The following SYK variants were observed in gnomAD, a reference collection of about 807,000 sequenced individuals.
SYK encodes spleen associated tyrosine kinase.
A neutral mutation model predicts 77.8 loss-of-function variants in SYK; 16 were observed. That is an observed-to-expected ratio of 0.21 (90% confidence interval 0.14 to 0.31). The LOEUF (loss-of-function observed/expected upper bound fraction) is 0.31, where lower values mean the gene tolerates loss of function less well. SYK is among the 10% of genes least tolerant of loss of function. The pLI is 1.00. For synonymous variants in SYK, 312 were observed against 308.7 expected, an observed-to-expected ratio of 1.01 and a Z score of -0.11; for missense variants, 529 against 814.4, an observed-to-expected ratio of 0.65 and a Z score of 4.26.
Position 90,877,754 on chromosome 9 carries a change from C to T in SYK, c.1365C>T (p.Pro455=), listed in dbSNP as rs143304676. 3.1e-6 allele frequency: 5 copies of T among 1,614,172 alleles called. No individual in the cohort carries two copies. In the East Asian group the frequency reaches 8.9e-5, roughly 29 times the overall value. ...TTATGGAGATGGCAGAACTTGGTCC[C>T]CTCAATAAGTATTTGCAGCAGAACA... ...MLVMEMAELG[P]LNKYLQQNRH... is the part of the protein sequence containing the mutation. Residue 455 remains proline (P), a synonymous_variant, in exon 10 of 14, where the codon CCC becomes CCT. Transcript: ENST00000375754.
chr9:90,812,616 T>A (rs1021002456), intron 1 of SYK, among the ~76,000 whole-genome samples: 4 of 152,108 alleles, frequency 2.6e-5, no homozygotes, highest in Non-Finnish European at 5.9e-5. Context: ...CACAAACACA[T>A]CTTTAAAGGC....
intron 3 of SYK, among the ~76,000 whole-genome samples, chr9:90,856,269 T>C (rs1010176626): frequency 1.3e-5 from 2 of 152,234 alleles, no homozygotes; most frequent in Non-Finnish European, 2.9e-5. Context: ...ATGGTTCTCA[T>C]GTCTCTGTGG....
intron 7 of SYK, among the ~76,000 whole-genome samples, chr9:90,868,494 A>G (rs9987718): frequency 0.025 from 3,739 of 152,324 alleles, 74 homozygotes; most frequent in South Asian, 0.048. Context: ...GCTTTAATAT[A>G]CAAAGAGATT....
At chr9:90,876,611 T>A (rs1408760769) in intron 9 of SYK, among the ~76,000 whole-genome samples, 1 of 152,256 alleles carries the variant, frequency 6.6e-6, no homozygotes, top group Non-Finnish European at 1.5e-5. Context: ...TATTCTGTGC[T>A]TAAATTTGTG....
chr9:90,892,304 C>T (rs1485369458), intron 13 of SYK, among the ~76,000 whole-genome samples: 3 of 152,144 alleles, frequency 2.0e-5, no homozygotes, highest in Admixed American at 1.3e-4. Flanking sequence ...AATATGTTTA[C>T]TCAGGCCCAT....
intron 1 of SYK, among the ~76,000 whole-genome samples, chr9:90,827,089 T>C (rs1825688832): frequency 6.6e-6 from 1 of 152,058 alleles, no homozygotes; most frequent in African/African-American, 2.4e-5. Flanking sequence ...TGTAGGACTT[T>C]TTAAAAAAAC....
At chr9:90,826,120 C>T (rs1251100783) in intron 1 of SYK, among the ~76,000 whole-genome samples, 3 of 152,138 alleles carry the variant, frequency 2.0e-5, no homozygotes, top group South Asian at 4.1e-4. Context: ...GCAGGAAAGC[C>T]CCAAGCTTAC....
At chr9:90,871,773 G>A (rs147704203) in intron 7 of SYK, among the ~76,000 whole-genome samples, 19 of 152,350 alleles carry the variant, frequency 1.2e-4, no homozygotes, top group African/African-American at 4.6e-4. Flanking sequence ...CAGGGATCTG[G>A]GTAGGAGAGA....
chr9:90,881,517 TA>T (rs1411716200), intron 11 of SYK, among the ~76,000 whole-genome samples: 7 of 151,528 alleles, frequency 4.6e-5, no homozygotes, highest in Non-Finnish European at 8.8e-5. Context: ...CCGTCTCTAC[TA>T]AAAACACAAA....
intron 1 of SYK, among the ~76,000 whole-genome samples, chr9:90,803,698 C>T (rs1824705188): frequency 6.6e-6 from 1 of 151,912 alleles, no homozygotes; most frequent in African/African-American, 2.4e-5. Context: ...TGGTTATAAT[C>T]CAATATGCTT....
chr9:90,840,416 G>T (rs1342368981), intron 1 of SYK, among the ~76,000 whole-genome samples: 1 of 152,128 alleles, frequency 6.6e-6, no homozygotes, highest in Non-Finnish European at 1.5e-5. Context: ...GGGAAAAGCA[G>T]GCTGGGGGCA....
At chr9:90,865,003 G>T in intron 5 of SYK, 45 bp from the exon 6 acceptor site, 1 of 1,597,292 alleles carries the variant, frequency 6.3e-7, no homozygotes, top group Non-Finnish European at 8.6e-7. Flanking sequence ...GAAGGAAGTG[G>T]TTTCCTCAGA....
chr9:90,892,225 T>G (rs941435063), intron 13 of SYK, among the ~76,000 whole-genome samples: 9 of 152,122 alleles, frequency 5.9e-5, no homozygotes, highest in African/African-American at 1.9e-4. Flanking sequence ...AGGAGTAAAT[T>G]TTCTAGAGAA....
intron 1 of SYK, among the ~76,000 whole-genome samples, chr9:90,803,401 C>A (rs957094353): frequency 5.9e-5 from 9 of 151,704 alleles, no homozygotes; most frequent in African/African-American, 2.2e-4. Flanking sequence ...TTTTTTTAAG[C>A]CTCTGTATTT....
At position 90,874,668 on chromosome 9, in the gene SYK, G is replaced by T; in HGVS notation, c.1004-4G>T. 1 of 1,610,072 alleles carries T rather than the reference G, an allele frequency of 6.2e-7. No homozygotes were observed. Among genetic ancestry groups the T allele is most frequent in the Non-Finnish European group, 8.5e-7 (1 of 1,177,700 alleles). ...AGGTCGTATGTTTCTTGACTGCATT[G>T]CAGGCCCCCAGAGAGAAGCCCTACC... is the stretch of plus-strand genomic sequence containing the variant. On this transcript the variant is annotated splice_polypyrimidine_tract_variant and splice_region_variant and intron_variant, in intron 8 of 13. Coordinates refer to ENST00000375754, the MANE Select transcript of SYK (RefSeq NM_003177.7).
At chr9:90,817,467 A>G (rs1437636383) in intron 1 of SYK, among the ~76,000 whole-genome samples, 1 of 152,022 alleles carries the variant, frequency 6.6e-6, no homozygotes, top group Non-Finnish European at 1.5e-5. Flanking sequence ...GTTAATATCC[A>G]TTCATTTTTC....
At chr9:90,868,397 A>G (rs1005462003) in intron 7 of SYK, among the ~76,000 whole-genome samples, 1 of 152,202 alleles carries the variant, frequency 6.6e-6, no homozygotes, top group Non-Finnish European at 1.5e-5. Context: ...ATAAAGAAGT[A>G]TATGTGTAGA....
In SYK at chr9:90,896,750, A is replaced by T. The variant is rs1829003797; in HGVS notation, c.*1150A>T. ...CACCCATTGATTTCAGTTTTGCTGT[A>T]CCTCTTGAAAGTTAAAGAGACATCT... On this transcript the variant is annotated 3_prime_UTR_variant, in exon 14 of 14. Coordinates refer to ENST00000375754, the MANE Select transcript of SYK (RefSeq NM_003177.7). 1 of 227,730 alleles carries T rather than the reference A, an allele frequency of 4.4e-6. No individual in the cohort carries two copies. Among genetic ancestry groups the T allele is most frequent in the Admixed American group, 5.7e-5 (1 of 17,626 alleles). The allele number at this position is 227,730 out of a possible 1,614,324, so 14.1% of individuals were successfully genotyped here.
rs1554704336 is a variant in SYK, at chr9:90,812,741, A to ATGTGTGTGTGTGTATG, written c.-42+10861_-42+10862insATGTGTGTGTGTGTGT. Among the ~76,000 whole-genome samples, 718 of 109,854 alleles carry ATGTGTGTGTGTGTATG rather than the reference A, an allele frequency of 6.5e-3. 10 individuals carry two copies. Among genetic ancestry groups the ATGTGTGTGTGTGTATG allele is most frequent in the Admixed American group, 0.041 (408 of 10,068 alleles). 72.1% of individuals were successfully genotyped at this position (109,854 alleles called of 152,430 possible). ...CCAGAGTGGCTCCTCCCCATTTGAT[A>ATGTGTGTGTGTGTATG]TGTGTGTGTGTGTGTGTGTGTGTGT... On this transcript the variant is annotated intron_variant, in intron 1 of 13. Transcript: ENST00000375754.
Sources: gnomAD v4.1 joint callset for allele counts (sites outside exome capture counted in the v4.1 genomes callset) on GRCh38, gnomAD v4.1.1 for gene constraint, MANE v1.5 for transcripts, NCBI Gene and HGNC (gene_info 2026-07-23, HGNC 2026-07-21) for gene names.